SNX18: variants seen among roughly 807,000 people sequenced by gnomAD.
SNX18 encodes sorting nexin-18.
SNX18 carries 35 observed loss-of-function variants against 48.7 expected under a neutral mutation model. The observed-to-expected ratio is 0.72, with a 90% CI of 0.55 to 0.95. The LOEUF is 0.95. SNX18 is among the 40% of genes least tolerant of loss of function. SNX18 has a pLI of 0.00. For missense variants in SNX18, 824 were observed against 871.0 expected (o/e 0.95, Z 0.68); for synonymous variants, 492 against 384.7 (o/e 1.28, Z -3.26).
the SNX18 span, among the ~76,000 whole-genome samples, chr5:54,558,444 G>A: frequency 8.0e-4 from 121 of 151,928 alleles, 1 homozygote; most frequent in East Asian, 0.019. Flanking sequence ...TCACAGTCAC[G>A]TAGAGCAGTA....
chr5:54,558,193 G>A, the SNX18 span, among the ~76,000 whole-genome samples: 1 of 152,066 alleles, frequency 6.6e-6, no homozygotes, highest in Non-Finnish European at 1.5e-5. Flanking sequence ...AAGATCCATG[G>A]GATTTTCACT....
the SNX18 span, among the ~76,000 whole-genome samples, chr5:54,598,480 T>C: frequency 1.3e-5 from 2 of 152,326 alleles, no homozygotes; most frequent in East Asian, 3.9e-4. Flanking sequence ...GTAAAAATTC[T>C]CAATAAAATA....
the SNX18 span, among the ~76,000 whole-genome samples, chr5:54,575,402 T>C: frequency 6.9e-6 from 1 of 144,106 alleles, no homozygotes; most frequent in Non-Finnish European, 1.5e-5. Flanking sequence ...AGACACAGTC[T>C]TGCTCTGTCA....
the SNX18 span, among the ~76,000 whole-genome samples, chr5:54,566,305 C>A: frequency 6.6e-6 from 1 of 152,184 alleles, no homozygotes; most frequent in Non-Finnish European, 1.5e-5. Context: ...TGTTGAACCT[C>A]TCTGAATCTC....
the SNX18 span, among the ~76,000 whole-genome samples, chr5:54,611,890 T>A: frequency 2.0e-5 from 3 of 151,494 alleles, no homozygotes; most frequent in Non-Finnish European, 4.4e-5. Flanking sequence ...TCTTTTTTTT[T>A]AATTAGAGAC....
rs774989242 is a variant in SNX18 at position 54,540,684 on chromosome 5, ACTCTGTTCTCTATGATGAAAAGCTGGG to A, written c.1622-2490_1622-2464del. Among the ~76,000 whole-genome samples, 172 of 152,252 alleles carry A rather than the reference ACTCTGTTCTCTATGATGAAAAGCTGGG, an allele frequency of 1.1e-3. 1 individual carries two copies. The highest frequency in any genetic ancestry group is 3.4e-3 in the Middle Eastern group (1 of 294). ...AGGTTTCAGAGCTTCTCTATACTGG[ACTCTGTTCTCTATGATGAAAAGCTGGG>A]CTCTAGTAATTAGAGCAAGTAATAC... On this transcript the variant is annotated intron_variant, in intron 1 of 1. Transcript: ENST00000381410.
Position 54,518,378 on chromosome 5 carries a change from C to A in SNX18, c.426C>A (p.Gly142=). The part of the protein sequence containing the change: ...ALQPSPQQLY[G]GYQASQGSDD... Reference sequence around the variant, plus strand: ...AGCCGTCGCCTCAGCAGCTCTACGGCGGCTACCAGGCCAGCCAAGGCAGCG... The same window carrying A: ...AGCCGTCGCCTCAGCAGCTCTACGGAGGCTACCAGGCCAGCCAAGGCAGCG... The change falls in exon 1 of 2, where the codon GGC becomes GGA. Residue 142 remains glycine, a synonymous_variant. Transcript: ENST00000381410. 1.3e-6 allele frequency: 2 copies of A among 1,569,822 alleles called. No homozygotes were observed. The highest frequency in any genetic ancestry group is 1.7e-6 in the Non-Finnish European group (2 of 1,159,378).
At chr5:54,576,337 C>G in the SNX18 span, among the ~76,000 whole-genome samples, 1 of 152,190 alleles carries the variant, frequency 6.6e-6, no homozygotes, top group African/African-American at 2.4e-5. Context: ...ATGAGAGTAG[C>G]AAGGAACCCA....
the SNX18 span, among the ~76,000 whole-genome samples, chr5:54,574,285 C>T: frequency 2.0e-5 from 3 of 152,138 alleles, no homozygotes; most frequent in African/African-American, 7.2e-5. Flanking sequence ...AGTGGCTGGG[C>T]GCTAAGAGGA....
At chr5:54,523,051 T>C (rs944498114) in intron 1 of SNX18, among the ~76,000 whole-genome samples, 2 of 152,174 alleles carry the variant, frequency 1.3e-5, no homozygotes, top group African/African-American at 4.8e-5. Flanking sequence ...TATTTGTGTT[T>C]TGCTTTGACC....
the SNX18 span, among the ~76,000 whole-genome samples, chr5:54,614,091 G>C: frequency 1.3e-5 from 2 of 152,218 alleles, no homozygotes; most frequent in African/African-American, 4.8e-5. Context: ...CAAAAGAAAT[G>C]TTTCTCCTGA....
At chr5:54,596,145 A>G in the SNX18 span, among the ~76,000 whole-genome samples, 5 of 152,232 alleles carry the variant, frequency 3.3e-5, no homozygotes, top group African/African-American at 1.2e-4. Flanking sequence ...GGAGAGAACC[A>G]TTCCAGAGTC....
chr5:54,536,691 C>T (rs1002943653), intron 1 of SNX18, among the ~76,000 whole-genome samples: 15 of 152,134 alleles, frequency 9.9e-5, no homozygotes, highest in Admixed American at 7.9e-4. Flanking sequence ...AATAAACATA[C>T]GTGTGTATGT....
intron 1 of SNX18, among the ~76,000 whole-genome samples, chr5:54,524,552 C>A (rs1762093890): frequency 6.6e-6 from 1 of 152,166 alleles, no homozygotes; most frequent in African/African-American, 2.4e-5. Flanking sequence ...TAATATGTTC[C>A]TTCTCTTTGG....
the SNX18 span, among the ~76,000 whole-genome samples, chr5:54,608,044 A>G: frequency 5.3e-5 from 8 of 152,210 alleles, no homozygotes; most frequent in African/African-American, 1.4e-4. Flanking sequence ...CAGGAGTTCA[A>G]TTGCTAGGTC....
At chr5:54,571,791 G>C in the SNX18 span, among the ~76,000 whole-genome samples, 1 of 152,220 alleles carries the variant, frequency 6.6e-6, no homozygotes, top group Admixed American at 6.5e-5. Flanking sequence ...GTCTCAGCAG[G>C]CTGGAGGTAC....
chr5:54,522,617 C>A (rs1762052255), intron 1 of SNX18, among the ~76,000 whole-genome samples: 1 of 152,118 alleles, frequency 6.6e-6, no homozygotes, highest in Admixed American at 6.6e-5. Context: ...GCTGAATTTC[C>A]CAAGCACTCA....
chr5:54,555,711 C>T, the SNX18 span, among the ~76,000 whole-genome samples: 3 of 151,806 alleles, frequency 2.0e-5, no homozygotes, highest in Non-Finnish European at 4.4e-5. Flanking sequence ...CCCGTAGTCC[C>T]AGCTACTGAG....
chr5:54,568,552 AG>A, the SNX18 span, among the ~76,000 whole-genome samples: 1 of 152,160 alleles, frequency 6.6e-6, no homozygotes, highest in Non-Finnish European at 1.5e-5. Context: ...TTCCAAAGGA[AG>A]GGGTGGTTGT....
Sources: allele counts gnomAD v4.1 joint callset (sites outside exome capture counted in the v4.1 genomes callset), GRCh38; gene constraint gnomAD v4.1.1; transcripts MANE v1.5; gene names NCBI Gene and HGNC (gene_info 2026-07-23, HGNC 2026-07-21).